TMEM132B: variants seen among roughly 807,000 people sequenced by gnomAD.
TMEM132B encodes transmembrane protein 132B.
A neutral mutation model predicts 90.8 loss-of-function variants in TMEM132B; 18 were observed. The observed-to-expected ratio is 0.20, with a 90% CI of 0.14 to 0.29. The LOEUF is 0.29. Among genes scored for constraint, TMEM132B ranks in the 10% least tolerant of loss-of-function variants. TMEM132B has a pLI of 1.00. For missense variants in TMEM132B, 1,096 were observed against 1,326.8 expected (o/e 0.83, Z 2.70); for synonymous variants, 504 against 523.3 (o/e 0.96, Z 0.50).
At chr12:125,557,806 G>A (rs756755893) in intron 4 of TMEM132B, among the ~76,000 whole-genome samples, 14 of 152,134 alleles carry the variant, frequency 9.2e-5, no homozygotes, top group Non-Finnish European at 8.8e-5. Context: ...CTGTCCGAGT[G>A]GCTAATTTAG....
intron 3 of TMEM132B, among the ~76,000 whole-genome samples, chr12:125,485,761 G>T (rs1882185306): frequency 6.6e-6 from 1 of 152,140 alleles, no homozygotes; most frequent in Admixed American, 6.5e-5. Flanking sequence ...GATGGGTTAG[G>T]CAGGATGGAC....
chr12:125,437,432 G>A (rs1880738707), intron 3 of TMEM132B, among the ~76,000 whole-genome samples: 1 of 152,166 alleles, frequency 6.6e-6, no homozygotes, highest in Non-Finnish European at 1.5e-5. Context: ...TGTTTTCAGT[G>A]CTTTTGGGTA....
chr12:125,233,127 G>A (rs540850997), intron 1 of TMEM132B, among the ~76,000 whole-genome samples: 13 of 152,316 alleles, frequency 8.5e-5, no homozygotes, highest in Non-Finnish European at 1.5e-5. Flanking sequence ...TCCAGGCCAG[G>A]ACTAGGATTT....
intron 2 of TMEM132B, among the ~76,000 whole-genome samples, chr12:125,358,244 A>T (rs78088642): frequency 0.019 from 2,819 of 151,998 alleles, 53 homozygotes; most frequent in Non-Finnish European, 0.029. Flanking sequence ...AGACATTTTC[A>T]TTTTGTTTTA....
At chr12:125,297,423 G>A (rs1875699074) in intron 1 of TMEM132B, among the ~76,000 whole-genome samples, 1 of 152,168 alleles carries the variant, frequency 6.6e-6, no homozygotes, top group Non-Finnish European at 1.5e-5. Flanking sequence ...TGGGGAAAAT[G>A]GCCAGCCTTC....
At chr12:125,293,778 A>C (rs986757798) in intron 1 of TMEM132B, among the ~76,000 whole-genome samples, 2 of 152,164 alleles carry the variant, frequency 1.3e-5, no homozygotes, top group African/African-American at 4.8e-5. Context: ...CCTGTCACAA[A>C]GTTTTGACAT....
intron 1 of TMEM132B, among the ~76,000 whole-genome samples, chr12:125,291,175 T>C (rs1875528850): frequency 6.6e-6 from 1 of 152,176 alleles, no homozygotes; most frequent in Non-Finnish European, 1.5e-5. Flanking sequence ...ACTCTCTCTC[T>C]GCCATGTGAG....
At chr12:125,580,245 C>T (rs1885025033) in intron 4 of TMEM132B, among the ~76,000 whole-genome samples, 9 of 152,128 alleles carry the variant, frequency 5.9e-5, no homozygotes, top group Admixed American at 5.9e-4. Flanking sequence ...TTTCAAAGAC[C>T]CTATGGACAT....
In TMEM132B at chr12:125,654,213, G is replaced by C; in HGVS notation, c.2755G>C (p.Val919Leu). 6.2e-7 allele frequency: 1 copy of C among 1,614,180 alleles called. No homozygotes were observed. The highest frequency in any genetic ancestry group is 1.3e-5 in the African/African-American group (1 of 75,030). The change falls in exon 9 of 9, where the codon GTC becomes CTC. Residue 919 changes from valine to leucine, a missense_variant. Coordinates refer to ENST00000682704, the MANE Select transcript of TMEM132B (RefSeq NM_001366854.1). The surrounding 1 kb of genome is among the most constrained non-coding windows in gnomAD (Gnocchi z 5.8). ...LLCVFCLAILVFLINCVAFAW... is the reference protein window; with the variant it reads ...LLCVFCLAILLFLINCVAFAW... The stretch of plus-strand genomic sequence containing the variant: ...CTGCGTCTTCTGTCTGGCCATTCTG[G>C]TCTTCTTGATCAACTGCGTGGCGTT...
chr12:125,448,170 A>G (rs1395424673), intron 3 of TMEM132B, among the ~76,000 whole-genome samples: 1 of 152,128 alleles, frequency 6.6e-6, no homozygotes, highest in Admixed American at 6.5e-5. Context: ...AGGCTGAGAC[A>G]GGAGAATTGC....
chr12:125,566,835 C>CTTCTTTTTTT (rs1463169929), intron 4 of TMEM132B, among the ~76,000 whole-genome samples: 1 of 78,738 alleles, frequency 1.3e-5, no homozygotes, highest in African/African-American at 6.1e-5. Context: ...TCTTCTTCTT[C>CTTCTTTTTTT]TTTTTTTTTT....
chr12:125,379,735 A>T (rs1878613473), intron 2 of TMEM132B, among the ~76,000 whole-genome samples: 1 of 152,222 alleles, frequency 6.6e-6, no homozygotes, highest in East Asian at 1.9e-4. Context: ...CATGAAAGGG[A>T]GGCAGATTGA....
At chr12:125,427,303 A>G (rs927501161) in intron 3 of TMEM132B, among the ~76,000 whole-genome samples, 4 of 152,166 alleles carry the variant, frequency 2.6e-5, no homozygotes, top group Non-Finnish European at 5.9e-5. Context: ...CCTATGCTCT[A>G]TATTATCCCC....
rs554265258 is a variant in TMEM132B at position 125,416,266 on chromosome 12, C to T, written c.1106+589C>T. Reference sequence around the variant, plus strand: ...CTCTCACCTGTGTTGCAGCCGCCTTCCCTACACAGTCTCATTGCCTCTGTT... The same window carrying T: ...CTCTCACCTGTGTTGCAGCCGCCTTTCCTACACAGTCTCATTGCCTCTGTT... On this transcript the variant is annotated intron_variant, in intron 3 of 8. Coordinates refer to ENST00000682704, the MANE Select transcript of TMEM132B (RefSeq NM_001366854.1). Among the ~76,000 whole-genome samples the T allele has an allele frequency of 9.2e-5, 14 of 152,314 alleles. No individual in the cohort carries two copies. In the East Asian group the frequency reaches 2.7e-3, roughly 29 times the overall value.
chr12:125,469,061 C>G (rs1046107414), intron 3 of TMEM132B, among the ~76,000 whole-genome samples: 1 of 152,130 alleles, frequency 6.6e-6, no homozygotes, highest in South Asian at 2.1e-4. Context: ...AATTTGGATG[C>G]CTTTTATTTC....
intron 1 of TMEM132B, among the ~76,000 whole-genome samples, chr12:125,193,053 A>T (rs1872833735): frequency 6.6e-6 from 1 of 152,176 alleles, no homozygotes; most frequent in African/African-American, 2.4e-5. Flanking sequence ...CTGTTAGCAC[A>T]GGGCACGAGT....
intron 1 of TMEM132B, among the ~76,000 whole-genome samples, chr12:125,192,234 G>A (rs994083352): frequency 3.3e-5 from 5 of 152,200 alleles, no homozygotes; most frequent in Non-Finnish European, 7.3e-5. Flanking sequence ...GGCCCAGAGA[G>A]GCAATGTGAG....
At chr12:125,211,478 G>C (rs1873315846) in intron 1 of TMEM132B, among the ~76,000 whole-genome samples, 1 of 152,172 alleles carries the variant, frequency 6.6e-6, no homozygotes. Context: ...GGGGAGCGAG[G>C]CTGCTCCGAG....
intron 3 of TMEM132B, among the ~76,000 whole-genome samples, chr12:125,506,452 C>T (rs1882849619): frequency 6.6e-6 from 1 of 152,084 alleles, no homozygotes; most frequent in Non-Finnish European, 1.5e-5. Flanking sequence ...GTGATAGTTA[C>T]ATGACTATGC....
Sources: gnomAD v4.1 joint callset for allele counts (sites outside exome capture counted in the v4.1 genomes callset) on GRCh38, gnomAD v4.1.1 for gene constraint, Gnocchi (gnomAD v3.1) non-coding constraint, MANE v1.5 for transcripts, NCBI Gene and HGNC (gene_info 2026-07-23, HGNC 2026-07-21) for gene names.